The following IL1RAP variants were observed in gnomAD, a reference collection of about 807,000 sequenced individuals.
The protein encoded by IL1RAP is interleukin 1 receptor accessory protein.
A neutral mutation model predicts 60.7 loss-of-function variants in IL1RAP; 35 were observed. The ratio of observed to expected loss-of-function variants is 0.58; its 90% CI spans 0.44 to 0.76. The LOEUF (loss-of-function observed/expected upper bound fraction) is 0.76, where lower values mean the gene tolerates loss of function less well. Among genes scored for constraint, IL1RAP ranks in the 30% least tolerant of loss-of-function variants. The pLI, the probability that IL1RAP is intolerant of heterozygous loss-of-function variation, is 0.00. For missense variants in IL1RAP, 572 were observed against 693.9 expected (o/e 0.82, Z 1.97); for synonymous variants, 268 against 250.9 (o/e 1.07, Z -0.64).
At chr3:190,611,196 T>G (rs1280823569) in intron 5 of IL1RAP, among the ~76,000 whole-genome samples, 1 of 152,188 alleles carries the variant, frequency 6.6e-6, no homozygotes, top group African/African-American at 2.4e-5. Context: ...TAAGCATCAA[T>G]GACTGCTAAC....
chr3:190,584,075 C>T (rs899775783), intron 3 of IL1RAP, among the ~76,000 whole-genome samples: 6 of 152,118 alleles, frequency 3.9e-5, no homozygotes, highest in African/African-American at 1.4e-4. Flanking sequence ...CACTAGCAAC[C>T]ACTGATCGTT....
At chr3:190,552,376 A>C (rs957706258) in intron 1 of IL1RAP, among the ~76,000 whole-genome samples, 8 of 152,202 alleles carry the variant, frequency 5.3e-5, no homozygotes, top group African/African-American at 1.9e-4. Context: ...ATATGTTCAC[A>C]CAGGGAATTT....
chr3:190,601,232 C>G (rs963143063), intron 3 of IL1RAP, among the ~76,000 whole-genome samples: 4 of 152,160 alleles, frequency 2.6e-5, no homozygotes, highest in African/African-American at 9.7e-5. Context: ...TGATCCGCCC[C>G]CTCGGCCTCC....
intron 5 of IL1RAP, among the ~76,000 whole-genome samples, chr3:190,612,921 G>T (rs1046306246): frequency 6.6e-6 from 1 of 152,020 alleles, no homozygotes; most frequent in South Asian, 2.1e-4. Context: ...CTGTATACTA[G>T]CTGAAGATTA....
chr3:190,576,331 CAT>C (rs754197859), intron 3 of IL1RAP, among the ~76,000 whole-genome samples: 10 of 151,940 alleles, frequency 6.6e-5, no homozygotes, highest in Non-Finnish European at 1.0e-4. Context: ...ATTGGGAAAA[CAT>C]ATGGCAAAGG....
intron 2 of IL1RAP, among the ~76,000 whole-genome samples, chr3:190,562,253 C>G (rs1366557194): frequency 6.6e-6 from 1 of 152,184 alleles, no homozygotes; most frequent in Admixed American, 6.5e-5. Flanking sequence ...AATGTCACCT[C>G]TTGTGTTTCG....
intron 4 of IL1RAP, among the ~76,000 whole-genome samples, chr3:190,607,292 A>G (rs1730415697): frequency 6.6e-6 from 1 of 152,230 alleles, no homozygotes. Flanking sequence ...ACTGTAAAAA[A>G]TTAGTTGTTT....
intron 4 of IL1RAP, 28 bp from the exon 5 acceptor site, chr3:190,608,966 AC>A (rs767834335): frequency 4.7e-5 from 74 of 1,562,800 alleles, no homozygotes; most frequent in Non-Finnish European, 1.2e-5. Flanking sequence ...TGCAAATACT[AC>A]CCATTCATTG....
intron 11 of IL1RAP, among the ~76,000 whole-genome samples, chr3:190,646,158 G>A (rs968663168): frequency 7.9e-5 from 12 of 152,022 alleles, no homozygotes; most frequent in African/African-American, 2.2e-4. Flanking sequence ...AGATTTTTCG[G>A]TTTAGGCTAA....
At chr3:190,589,507 A>G (rs1728759904) in intron 3 of IL1RAP, among the ~76,000 whole-genome samples, 2 of 152,170 alleles carry the variant, frequency 1.3e-5, no homozygotes. Flanking sequence ...TGCCTCTGTT[A>G]AACACAGTGG....
At chr3:190,653,780 C>A (rs74400768), downstream of IL1RAP, among the ~76,000 whole-genome samples, 1,381 of 152,258 alleles carry the variant, frequency 9.1e-3, 23 homozygotes, top group African/African-American at 0.032. Context: ...AATTACTACT[C>A]CTCCAAGTAA....
chr3:190,648,655 T>C lies in IL1RAP; in HGVS notation c.1663T>C (p.Ser555Pro). Residue 555 changes from serine (S) to proline (P), a missense_variant, in exon 12 of 12, where the codon TCT becomes CCT. Transcript: ENST00000447382. ...AMPVKKSPRR[S>P]SSDEQGLSYS... is the part of the protein sequence containing the mutation. ...GCCAGTGAAGAAAAGTCCCAGGCGG[T>C]CTAGCAGTGATGAGCAGGGCCTCTC... 1 of 1,614,012 alleles carries C rather than the reference T, an allele frequency of 6.2e-7. No individual in the cohort carries two copies. Among genetic ancestry groups the C allele is most frequent in the Non-Finnish European group, 8.5e-7 (1 of 1,179,984 alleles).
chr3:190,631,377 T>G (rs1424920261), intron 9 of IL1RAP, among the ~76,000 whole-genome samples: 1 of 152,180 alleles, frequency 6.6e-6, no homozygotes, highest in Non-Finnish European at 1.5e-5. Flanking sequence ...CAGAAGCCCC[T>G]GCTCTAAATG....
intron 1 of IL1RAP, among the ~76,000 whole-genome samples, chr3:190,521,571 G>A (rs1359740542): frequency 6.6e-6 from 1 of 151,862 alleles, no homozygotes; most frequent in African/African-American, 2.4e-5. Context: ...TTATGTCTAA[G>A]GTAGAGTGTT....
chr3:190,548,496 C>T (rs79371011), intron 1 of IL1RAP, among the ~76,000 whole-genome samples: 2,444 of 152,158 alleles, frequency 0.016, 72 homozygotes, highest in African/African-American at 0.057. Flanking sequence ...TGACTGTGTC[C>T]TAGAGAAATG....
chr3:190,587,175 G>T (rs919609549), intron 3 of IL1RAP, among the ~76,000 whole-genome samples: 1 of 152,174 alleles, frequency 6.6e-6, no homozygotes. Flanking sequence ...GAATCCCAAA[G>T]CAGGAAAGTG....
At chr3:190,654,190 T>TCACACACACACACA (rs57074064), downstream of IL1RAP, among the ~76,000 whole-genome samples, 2,848 of 140,446 alleles carry the variant, frequency 0.02, 68 homozygotes, top group African/African-American at 0.049. Context: ...AAACATCATA[T>TCACACACACACACA]CACACACACA....
chr3:190,647,537 C>A (rs1316974999), intron 11 of IL1RAP, among the ~76,000 whole-genome samples: 1 of 152,124 alleles, frequency 6.6e-6, no homozygotes, highest in Admixed American at 6.5e-5. Context: ...GCTTTTTCTT[C>A]TTTTTTCGTT....
intron 9 of IL1RAP, among the ~76,000 whole-genome samples, chr3:190,643,097 G>C (rs1733773429): frequency 6.6e-6 from 1 of 152,276 alleles, no homozygotes; most frequent in South Asian, 2.1e-4. Context: ...CTGAAAGACT[G>C]TAAAGGTATA....
Sources: allele counts gnomAD v4.1 joint callset (sites outside exome capture counted in the v4.1 genomes callset), GRCh38; gene constraint gnomAD v4.1.1; transcripts MANE v1.5; gene names NCBI Gene and HGNC (gene_info 2026-07-23, HGNC 2026-07-21).